The following PPP1R12C variants were observed in gnomAD, a reference collection of about 807,000 sequenced individuals.
PPP1R12C encodes the protein leukocyte receptor cluster (LRC) encoded novel gene 3.
A neutral mutation model predicts 95.6 loss-of-function variants in PPP1R12C; 48 were observed. The observed-to-expected ratio is 0.50, with a 90% confidence interval of 0.40 to 0.64. PPP1R12C has a LOEUF of 0.64. Among genes scored for constraint, PPP1R12C ranks in the 30% least tolerant of loss-of-function variants. The pLI, the probability that PPP1R12C is intolerant of heterozygous loss-of-function variation, is 0.00. For synonymous variants in PPP1R12C, 480 were observed against 460.8 expected (o/e 1.04, Z -0.53); for missense variants, 1,057 against 1,083.3 (o/e 0.98, Z 0.34).
In PPP1R12C at chr19:55,096,182, T is replaced by C. The variant is rs923960784; in HGVS notation, c.1026-4A>G. On this transcript the variant is annotated splice_region_variant and splice_polypyrimidine_tract_variant and intron_variant, in intron 7 of 21. Transcript: ENST00000263433. ...GCTCAGACGACACACAGAGCTCCTG[T>C]TGGGGAAGGAGAGGGTGCTGGGGTA... The C allele has an allele frequency of 1.1e-5, 17 of 1,607,478 alleles. No homozygotes were observed. The East Asian group carries it at 1.1e-4, about 11-fold the overall frequency.
chr19:55,094,814 C>G lies in PPP1R12C; in HGVS notation c.1455-16G>C. The G allele has an allele frequency of 1.9e-6, 3 of 1,578,882 alleles. No homozygotes were observed. Among genetic ancestry groups the G allele is most frequent in the Non-Finnish European group, 2.6e-6 (3 of 1,165,752 alleles). On this transcript the variant is annotated splice_polypyrimidine_tract_variant and intron_variant, in intron 11 of 21. Coordinates refer to ENST00000263433, the MANE Select transcript of PPP1R12C (RefSeq NM_017607.4). ...GACCTCAGACCTGCATCAATTCATT[C>G]ATTCCACAAACATTACCCAGGTGCA...
chr19:55,091,568 G>C lies in PPP1R12C; in HGVS notation c.2263-10C>G, dbSNP rs370484633. 7 of 1,613,078 alleles carry C rather than the reference G, an allele frequency of 4.3e-6. No individual in the cohort carries two copies. In the Admixed American group the frequency reaches 6.7e-5, roughly 15 times the overall value. On this transcript the variant is annotated splice_polypyrimidine_tract_variant and intron_variant, in intron 21 of 21. Coordinates refer to ENST00000263433, the MANE Select transcript of PPP1R12C (RefSeq NM_017607.4). Reference sequence around the variant, plus strand: ...GGAGGTCAGACAGGGCCTGGGGGACGGCAAGGGTCAGCTGGGCAGCCCTGG... The same window carrying C: ...GGAGGTCAGACAGGGCCTGGGGGACCGCAAGGGTCAGCTGGGCAGCCCTGG...
At chr19:55,092,700 G>C in intron 16 of PPP1R12C, 38 bp from the exon 17 acceptor site, 1 of 1,529,596 alleles carries the variant, frequency 6.5e-7, no homozygotes, top group Non-Finnish European at 8.8e-7. Context: ...GGGTATGGGA[G>C]GGACTTTAGC....
In PPP1R12C at chr19:55,114,047, C is replaced by A. The variant is rs952485178; in HGVS notation, c.322-1252G>T. The A allele has an allele frequency of 4.4e-5, 7 of 158,676 alleles. No homozygotes were observed. The South Asian group carries it at 1.2e-3, about 27-fold the overall frequency. The allele number at this position is 158,676 out of a possible 1,614,324, so 9.8% of individuals were successfully genotyped here. ...CAGACCCAGGGGTCCAGGCCCAGCC[C>A]CGCCTCCCTAAGACCCAGAAGTCCA... On this transcript the variant is annotated intron_variant, in intron 1 of 21. Transcript: ENST00000263433.
chr19:55,092,946 G>T, intron 15 of PPP1R12C, 70 bp downstream of exon 15: 1 of 1,578,270 alleles, frequency 6.3e-7, no homozygotes, highest in East Asian at 2.2e-5. Context: ...CAAGCCCCCA[G>T]GAAAGCAAGA....
intron 1 of PPP1R12C, among the ~76,000 whole-genome samples, chr19:55,116,606 G>A (rs2147218914): frequency 6.6e-6 from 1 of 152,338 alleles, no homozygotes; most frequent in Admixed American, 6.5e-5. Flanking sequence ...TGGGCCAGAG[G>A]CGGCGCAGAA....
rs372006702 is a variant in PPP1R12C at position 55,095,515 on chromosome 19, G to A, written c.1316C>T (p.Ala439Val). The A allele has an allele frequency of 3.9e-5, 62 of 1,579,898 alleles. No homozygotes were observed. The East Asian group carries it at 8.6e-4, about 22-fold the overall frequency. Residue 439 changes from alanine to valine, a missense_variant, in exon 10 of 22, where the codon GCG becomes GTG. Ala to Val is a moderately conservative substitution (Grantham distance 64). This residue lies in a region of PPP1R12C where 356 missense variants were observed against 330.5 expected (regional missense o/e 1.08). Transcript: ENST00000263433. ...CAGCCCAGCCCCAGGGGCTCCCTCC[G>A]CTGTCCGCCTTTCAGGGGGACCCAG... ...GALGPPERRT[A>V]EGAPGAGLQR...
At chr19:55,108,097 G>A (rs974645940) in intron 3 of PPP1R12C, among the ~76,000 whole-genome samples, 5 of 151,654 alleles carry the variant, frequency 3.3e-5, no homozygotes, top group African/African-American at 4.8e-5. Context: ...CGCTATGCCC[G>A]GCTAACTTTT....
intron 3 of PPP1R12C, among the ~76,000 whole-genome samples, chr19:55,106,298 G>A (rs79610657): frequency 0.024 from 3,699 of 152,302 alleles, 119 homozygotes; most frequent in East Asian, 0.089. Context: ...ACAATACTAT[G>A]ATGAACATCT....
intron 6 of PPP1R12C, 22 bp downstream of exon 6, chr19:55,098,762 G>A (rs1161264952): frequency 6.2e-7 from 1 of 1,612,878 alleles, no homozygotes; most frequent in African/African-American, 1.3e-5. Flanking sequence ...TCTGGGGTAA[G>A]CCCCTCAGCC....
In PPP1R12C at chr19:55,092,501, G is replaced by A. The variant is rs374636098; in HGVS notation, c.1996C>T (p.Arg666Trp). ...GGCTCAGGTTCTGGGTTGAGGTCCC[G>A]CTGCCACCGCTGCCTGCGGGCCGAG... The part of the protein sequence containing the change: ...GPSARRQRWQ[R>W]DLNPEPEPES... The change falls in exon 18 of 22, where the codon CGG (arginine) becomes TGG (tryptophan). Residue 666 changes from arginine (R) to tryptophan (W), a missense_variant. Arg to Trp is a moderately radical substitution (Grantham distance 101, BLOSUM62 -3). Transcript: ENST00000263433. 19 of 1,608,766 alleles carry A rather than the reference G, an allele frequency of 1.2e-5. No homozygotes were observed. The African/African-American group carries it at 1.6e-4, about 14-fold the overall frequency.
intron 19 of PPP1R12C, 148 bp downstream of exon 19, chr19:55,092,074 T>C (rs1255024035): frequency 1.8e-6 from 2 of 1,087,212 alleles, no homozygotes; most frequent in Admixed American, 4.7e-5. Context: ...ATCCCCTCGC[T>C]CAGACTCCGC....
chr19:55,103,525 G>A lies in PPP1R12C; in HGVS notation c.615C>T (p.Leu205=), dbSNP rs370308071. The A allele has an allele frequency of 7.5e-6, 12 of 1,600,372 alleles. No individual in the cohort carries two copies. In the African/African-American group the frequency reaches 1.3e-4, roughly 18 times the overall value. The change falls in exon 4 of 22, where the codon CTC becomes CTT. Residue 205 remains leucine (L), a synonymous_variant. Coordinates refer to ENST00000263433, the MANE Select transcript of PPP1R12C (RefSeq NM_017607.4). ...EAAKRAEEEL[L]LHDTRCWLNG... ...TCAGCCAGCACCTCGTGTCATGAAG[G>A]AGCAATTCCTCTTCTGCCCGCTTGG...
rs754979203 is a variant in PPP1R12C at position 55,091,455 on chromosome 19, G to A, written c.*17C>T. On this transcript the variant is annotated 3_prime_UTR_variant, in exon 22 of 22. Coordinates refer to ENST00000263433, the MANE Select transcript of PPP1R12C (RefSeq NM_017607.4). The stretch of plus-strand genomic sequence containing the variant: ...GAAGCAGCTGTATAAATACGGGTGC[G>A]GGAAAGTCCCTCCGGGTCACTTGGA... The A allele has an allele frequency of 1.1e-5, 18 of 1,608,376 alleles. No individual in the cohort carries two copies. Among genetic ancestry groups the A allele is most frequent in the East Asian group, 2.2e-5 (1 of 44,824 alleles).
rs771894836 is a variant in PPP1R12C at position 55,092,500 on chromosome 19, C to A, written c.1997G>T (p.Arg666Leu). 1 of 1,608,938 alleles carries A rather than the reference C, an allele frequency of 6.2e-7. No homozygotes were observed. Among genetic ancestry groups the A allele is most frequent in the Admixed American group, 1.7e-5 (1 of 59,644 alleles). Residue 666 changes from arginine to leucine, a missense_variant, in exon 18 of 22, where the codon CGG (arginine) becomes CTG (leucine). Around this residue, in one of 5 missense-constraint regions of PPP1R12C, gnomAD observed 347 missense variants for 307.9 expected, o/e 1.13. Transcript: ENST00000263433. The part of the protein sequence containing the change: ...GPSARRQRWQ[R>L]DLNPEPEPES... ...TGGCTCAGGTTCTGGGTTGAGGTCCCGCTGCCACCGCTGCCTGCGGGCCGA... is the reference window on the plus strand; with the variant it reads ...TGGCTCAGGTTCTGGGTTGAGGTCCAGCTGCCACCGCTGCCTGCGGGCCGA...
At position 55,109,001 on chromosome 19, in the gene PPP1R12C, GCA is replaced by G. The variant is rs1217408399; in HGVS notation, c.571+3464_571+3465del. On this transcript the variant is annotated intron_variant, in intron 3 of 21. Coordinates refer to ENST00000263433, the MANE Select transcript of PPP1R12C (RefSeq NM_017607.4). This position sits in a 1 kb window ranked among gnomAD's most constrained non-coding sequence, Gnocchi z 4.4. ...GATGAAGACTGAATCATGTCCCACC[GCA>G]TGGATGGGCCACATGTTGATTTTCC... Among the ~76,000 whole-genome samples the G allele has an allele frequency of 6.6e-6, 1 of 152,176 alleles. No individual in the cohort carries two copies. The highest frequency in any genetic ancestry group is 2.4e-5 in the African/African-American group (1 of 41,454).
At chr19:55,103,281 G>T in intron 4 of PPP1R12C, 128 bp downstream of exon 4, 1 of 890,504 alleles carries the variant, frequency 1.1e-6, no homozygotes, top group Non-Finnish European at 1.6e-6. Flanking sequence ...AAAACTTGTG[G>T]GTACAGCTAA....
intron 1 of PPP1R12C, among the ~76,000 whole-genome samples, chr19:55,115,858 G>A (rs887991306): frequency 6.6e-6 from 1 of 152,146 alleles, no homozygotes; most frequent in African/African-American, 2.4e-5. Context: ...CCCAGCTCGG[G>A]GACACAGGAT....
At chr19:55,106,238 G>A (rs561420857) in intron 3 of PPP1R12C, among the ~76,000 whole-genome samples, 10 of 152,280 alleles carry the variant, frequency 6.6e-5, no homozygotes, top group Admixed American at 3.3e-4. Flanking sequence ...TTAGAGTTTA[G>A]TGATTGATCC....
Sources: gnomAD v4.1 joint callset for allele counts (sites outside exome capture counted in the v4.1 genomes callset) on GRCh38, gnomAD v4.1.1 for gene constraint, gnomAD v4.1.1 regional missense constraint, Gnocchi (gnomAD v3.1) non-coding constraint, MANE v1.5 for transcripts, NCBI Gene and HGNC (gene_info 2026-07-23, HGNC 2026-07-21) for gene names.